Variants in DMD observed in about 807,000 individuals in gnomAD.
The protein encoded by DMD is dystrophin.
In DMD, 63 loss-of-function variants were observed where a neutral mutation model predicts 330.1. The observed-to-expected ratio is 0.19, with a 90% CI of 0.16 to 0.24. The LOEUF (loss-of-function observed/expected upper bound fraction) is 0.24, where lower values mean the gene tolerates loss of function less well. Among genes scored for constraint, DMD ranks in the 10% least tolerant of loss-of-function variants. The pLI is 1.00. For synonymous variants in DMD, 1,223 were observed against 959.8 expected, an observed-to-expected ratio of 1.27 and a Z score of -5.07; for missense variants, 3,344 against 2,684.1, an observed-to-expected ratio of 1.25 and a Z score of -5.43.
intron 63 of DMD, among the ~76,000 whole-genome samples, chrX:31,224,290 C>G (rs1156634211): frequency 2.7e-5 from 3 of 112,014 alleles, no homozygotes; most frequent in African/African-American, 9.7e-5. Context: ...CTGCCATAAT[C>G]AAATGACACC....
chrX:31,857,078 T>C (rs775673139), intron 48 of DMD, among the ~76,000 whole-genome samples: 1 of 111,446 alleles, frequency 9.0e-6, no homozygotes, highest in Non-Finnish European at 1.9e-5. Flanking sequence ...AAATTATTAA[T>C]GTCAAGAATA....
At chrX:32,117,394 T>G (rs2096615476) in intron 44 of DMD, among the ~76,000 whole-genome samples, 1 of 111,963 alleles carries the variant, frequency 8.9e-6, no homozygotes, top group African/African-American at 3.2e-5. Context: ...TTATTGTTTA[T>G]TCTACTAATA....
rs373286166 is a variant in DMD, at chrX:32,573,529, C to T, written c.1812+1G>A. ...ACCATTGAAAGCTAGAAAGTACATA[C>T]GGCCAGTTTTTGAAGACTTGATAAC... is the stretch of plus-strand genomic sequence containing the variant. On this transcript the variant is annotated splice_donor_variant, in intron 15 of 78. Transcript: ENST00000357033. LOFTEE classifies it high-confidence loss of function. The T allele has an allele frequency of 4.8e-5, 58 of 1,202,787 alleles. No homozygotes were observed. The highest frequency in any genetic ancestry group is 6.4e-5 in the Non-Finnish European group (57 of 889,083).
chrX:32,504,324 T>C (rs1217213758), intron 18 of DMD, among the ~76,000 whole-genome samples: 3 of 112,023 alleles, frequency 2.7e-5, no homozygotes, highest in Admixed American at 9.5e-5. Context: ...TGAATATATC[T>C]GTACAAATGA....
At chrX:32,801,852 T>C (rs747151577) in intron 7 of DMD, among the ~76,000 whole-genome samples, 2 of 111,539 alleles carry the variant, frequency 1.8e-5, no homozygotes, top group African/African-American at 6.5e-5. Context: ...GCCTCTGTTC[T>C]GTTCCATTCG....
At chrX:31,572,062 A>G (rs2075850678) in intron 55 of DMD, among the ~76,000 whole-genome samples, 1 of 111,104 alleles carries the variant, frequency 9.0e-6, no homozygotes, top group South Asian at 3.9e-4. Context: ...GTGAAATAAA[A>G]TGTAAAACGG....
At chrX:31,701,174 G>C (rs1174224923) in intron 52 of DMD, among the ~76,000 whole-genome samples, 1 of 111,861 alleles carries the variant, frequency 8.9e-6, no homozygotes, top group African/African-American at 3.3e-5. Context: ...TTAAAATCAT[G>C]TAGAATAAAA....
At chrX:31,209,391 A>G in intron 65 of DMD, 107 bp downstream of exon 65, 1 of 765,051 alleles carries the variant, frequency 1.3e-6, no homozygotes, top group Non-Finnish European at 2.0e-6. Flanking sequence ...GAAGAGCATT[A>G]GGTCCACAGC....
intron 2 of DMD, among the ~76,000 whole-genome samples, chrX:32,938,308 A>T (rs2090160176): frequency 8.9e-6 from 1 of 111,888 alleles, no homozygotes; most frequent in Non-Finnish European, 1.9e-5. Context: ...AGGAGTAAAA[A>T]TATGAGCAGT....
chrX:32,181,001 C>T (rs1436825649), intron 44 of DMD, among the ~76,000 whole-genome samples: 1 of 111,658 alleles, frequency 9.0e-6, no homozygotes, highest in Non-Finnish European at 1.9e-5. Context: ...GGTTCTCCAT[C>T]CCCACAATGT....
chrX:33,233,244 A>G (rs753315674), intron 1 of DMD, among the ~76,000 whole-genome samples: 77 of 111,871 alleles, frequency 6.9e-4, no homozygotes, highest in African/African-American at 2.4e-3. Flanking sequence ...GACAACATCA[A>G]TACGACATAT....
intron 13 of DMD, among the ~76,000 whole-genome samples, chrX:32,574,706 G>A (rs951577523): frequency 2.7e-5 from 3 of 110,437 alleles, no homozygotes; most frequent in South Asian, 3.8e-4. Context: ...AAATATTGAC[G>A]TGCTTTATTT....
intron 53 of DMD, among the ~76,000 whole-genome samples, chrX:31,662,102 G>T (rs1488812418): frequency 8.9e-6 from 1 of 111,834 alleles, no homozygotes; most frequent in African/African-American, 3.2e-5. Context: ...GAATCCTGGC[G>T]TGATCGCTTA....
intron 7 of DMD, among the ~76,000 whole-genome samples, chrX:32,714,492 CAT>C (rs1388495496): frequency 8.9e-6 from 1 of 111,857 alleles, no homozygotes; most frequent in African/African-American, 3.2e-5. Flanking sequence ...CTGCAAAAGA[CAT>C]AATTTTATTC....
At chrX:31,214,926 A>ATTTCTTTTTTCTTT (rs775049548) in intron 64 of DMD, among the ~76,000 whole-genome samples, 14 of 57,238 alleles carry the variant, frequency 2.4e-4, no homozygotes, top group African/African-American at 4.4e-4. Flanking sequence ...ATACTTTTTT[A>ATTTCTTTTTTCTTT]TTTCTTTTTT....
intron 44 of DMD, among the ~76,000 whole-genome samples, chrX:32,058,760 C>T (rs752804180): frequency 8.1e-5 from 9 of 111,057 alleles, no homozygotes; most frequent in Non-Finnish European, 1.5e-4. Context: ...TTTATCTAAA[C>T]GAATTCAATT....
intron 2 of DMD, among the ~76,000 whole-genome samples, chrX:33,013,703 T>C (rs2093743785): frequency 8.9e-6 from 1 of 112,731 alleles, no homozygotes. Context: ...TACATATATA[T>C]TGTTACCTCC....
intron 1 of DMD, among the ~76,000 whole-genome samples, chrX:33,087,733 G>A (rs1244979727): frequency 9.0e-6 from 1 of 111,705 alleles, no homozygotes; most frequent in Non-Finnish European, 1.9e-5. Flanking sequence ...CATTCAATGA[G>A]GATATTAAAA....
intron 2 of DMD, among the ~76,000 whole-genome samples, chrX:32,928,709 T>A (rs775708378): frequency 8.9e-6 from 1 of 112,088 alleles, no homozygotes; most frequent in South Asian, 3.7e-4. Context: ...TTTTAAAATA[T>A]AATTAAGCAA....
Sources: allele counts gnomAD v4.1 joint callset (sites outside exome capture counted in the v4.1 genomes callset), GRCh38; gene constraint gnomAD v4.1.1; transcripts MANE v1.5; gene names NCBI Gene and HGNC (gene_info 2026-07-23, HGNC 2026-07-21).